Variants in CACNA1C observed in about 807,000 individuals in gnomAD.
CACNA1C encodes voltage-dependent L-type calcium channel subunit alpha-1C.
A neutral mutation model predicts 229.0 loss-of-function variants in CACNA1C; 30 were observed. The observed-to-expected ratio is 0.13, with a 90% CI of 0.10 to 0.18. The LOEUF (loss-of-function observed/expected upper bound fraction) is 0.18, where lower values mean the gene tolerates loss of function less well. Among genes scored for constraint, CACNA1C ranks in the 10% least tolerant of loss-of-function variants. The pLI, the probability that CACNA1C is intolerant of heterozygous loss-of-function variation, is 1.00. For missense variants in CACNA1C, 1,658 were observed against 2,845.0 expected, an observed-to-expected ratio of 0.58 and a Z score of 9.49; for synonymous variants, 1,114 against 1,132.5, an observed-to-expected ratio of 0.98 and a Z score of 0.33.
chr12:2,196,491 G>A (rs1418748108), intron 3 of CACNA1C, among the ~76,000 whole-genome samples: 1 of 152,238 alleles, frequency 6.6e-6, no homozygotes, highest in African/African-American at 2.4e-5. Context: ...TTATTATTAA[G>A]TTGGTGTTTC....
At chr12:2,080,954 C>T (rs2065349373) in intron 1 of CACNA1C, among the ~76,000 whole-genome samples, 1 of 152,120 alleles carries the variant, frequency 6.6e-6, no homozygotes, top group East Asian at 1.9e-4. Context: ...GATGAAAAGG[C>T]ATTACTTTAA....
intron 3 of CACNA1C, among the ~76,000 whole-genome samples, chr12:2,438,459 T>C (rs1279428226): frequency 6.6e-6 from 1 of 151,350 alleles, no homozygotes; most frequent in Non-Finnish European, 1.5e-5. Context: ...CAGATGGGGA[T>C]TGAGAAGTCC....
At chr12:2,637,379 C>G (rs1283569841) in intron 30 of CACNA1C, among the ~76,000 whole-genome samples, 1 of 152,190 alleles carries the variant, frequency 6.6e-6, no homozygotes, top group African/African-American at 2.4e-5. Context: ...AGTCTCCAAC[C>G]AAGACCTTTT....
chr12:2,380,839 G>A (rs556621111), intron 3 of CACNA1C, among the ~76,000 whole-genome samples: 1 of 152,154 alleles, frequency 6.6e-6, no homozygotes, highest in African/African-American at 2.4e-5. Flanking sequence ...GAGTGGGTGG[G>A]GGGCAATGTC....
rs1304655932 is a variant in CACNA1C, at chr12:2,678,509, G to A, written c.5091+642G>A. On this transcript the variant is annotated intron_variant, in intron 41 of 46. Transcript: ENST00000399655. The surrounding 1 kb of genome is among the most constrained non-coding windows in gnomAD (Gnocchi z 4.1). Reference sequence around the variant, plus strand: ...TTTGTGTTGCCTGCCTCACCACGCTGGTGTTTGGTTACAAATCCTTCTATA... The same window carrying A: ...TTTGTGTTGCCTGCCTCACCACGCTAGTGTTTGGTTACAAATCCTTCTATA... 1.3e-5 allele frequency among the ~76,000 whole-genome samples: 2 copies of A among 152,186 alleles called. No homozygotes were observed. Among genetic ancestry groups the A allele is most frequent in the Non-Finnish European group, 2.9e-5 (2 of 68,028 alleles).
chr12:2,170,778 G>A (rs1038079703), intron 3 of CACNA1C, among the ~76,000 whole-genome samples: 1 of 152,250 alleles, frequency 6.6e-6, no homozygotes, highest in African/African-American at 2.4e-5. Flanking sequence ...TTGAGGACAC[G>A]TTACCTCAGT....
chr12:2,120,800 T>G (rs770874098), intron 3 of CACNA1C, among the ~76,000 whole-genome samples: 4 of 151,808 alleles, frequency 2.6e-5, no homozygotes, highest in Non-Finnish European at 4.4e-5. Flanking sequence ...TGTATTTCCT[T>G]TGAATGTCTT....
In CACNA1C at chr12:2,348,861, C is replaced by G. The variant is rs1026962491; in HGVS notation, c.478-100115C>G. 6.6e-6 allele frequency among the ~76,000 whole-genome samples: 1 copy of G among 151,964 alleles called. No individual in the cohort carries two copies. Among genetic ancestry groups the G allele is most frequent in the Non-Finnish European group, 1.5e-5 (1 of 67,994 alleles). Reference sequence around the variant, plus strand: ...ACCCGTCATGTCAGCATTCAGAGCCCGGCAGGAAAAAGCCTCCTTCAAAGT... The same window carrying G: ...ACCCGTCATGTCAGCATTCAGAGCCGGGCAGGAAAAAGCCTCCTTCAAAGT... On this transcript the variant is annotated intron_variant, in intron 3 of 46. Coordinates refer to ENST00000399655, the MANE Select transcript of CACNA1C (RefSeq NM_000719.7). This position sits in a 1 kb window ranked among gnomAD's most constrained non-coding sequence, Gnocchi z 4.7.
At position 2,653,923 on chromosome 12, in the gene CACNA1C, G is replaced by A. The variant is rs763796877; in HGVS notation, c.4140+23G>A. The A allele has an allele frequency of 8.1e-6, 13 of 1,603,018 alleles. No homozygotes were observed. In the Admixed American group the frequency reaches 1.5e-4, roughly 19 times the overall value. Reference sequence around the variant, plus strand: ...CAGGTAGGGAGGCTCCCACCACGGGGCTCCTGGCCTCCCGCTCTGTCTCTC... The same window carrying A: ...CAGGTAGGGAGGCTCCCACCACGGGACTCCTGGCCTCCCGCTCTGTCTCTC... On this transcript the variant is annotated intron_variant, in intron 33 of 46. Coordinates refer to ENST00000399655, the MANE Select transcript of CACNA1C (RefSeq NM_000719.7). This position sits in a 1 kb window ranked among gnomAD's most constrained non-coding sequence, Gnocchi z 4.7.
chr12:2,608,365 AG>A lies in CACNA1C; in HGVS notation c.3357-145del, dbSNP rs1445648606. On this transcript the variant is annotated intron_variant, in intron 26 of 46. Transcript: ENST00000399655. This position sits in a 1 kb window ranked among gnomAD's most constrained non-coding sequence, Gnocchi z 4.2. ...TTAAACGCTTTGCCCAAGGTCACAC[AG>A]CCAGTAAGAGGCCGAGCTGGGACTC... The A allele has an allele frequency of 1.0e-5, 6 of 579,512 alleles. No homozygotes were observed. Among genetic ancestry groups the A allele is most frequent in the Non-Finnish European group, 1.8e-5 (6 of 331,120 alleles). 35.9% of individuals were successfully genotyped at this position (579,512 alleles called of 1,614,324 possible). A position where few individuals can be genotyped will look rare whatever the true frequency, so the allele number is the denominator to read the frequency against.
intron 3 of CACNA1C, among the ~76,000 whole-genome samples, chr12:2,194,822 G>A (rs1339664518): frequency 6.6e-6 from 1 of 152,172 alleles, no homozygotes; most frequent in East Asian, 1.9e-4. Context: ...GAGGAGCACA[G>A]TGTTCCCCAG....
In CACNA1C at chr12:2,575,367, T is replaced by C. The variant is rs2058023041; in HGVS notation, c.1896-6223T>C. ...ACTCCTCCTGGCCCAGCCCAGCATA[T>C]ACGGTTCTGCCTCTGGGCATCCTAA... On this transcript the variant is annotated intron_variant, in intron 13 of 46. Transcript: ENST00000399655. This position sits in a 1 kb window ranked among gnomAD's most constrained non-coding sequence, Gnocchi z 4.0. Among the ~76,000 whole-genome samples the C allele has an allele frequency of 1.3e-5, 2 of 152,172 alleles. No homozygotes were observed. Among genetic ancestry groups the C allele is most frequent in the South Asian group, 4.2e-4 (2 of 4,818 alleles).
chr12:2,194,337 C>T (rs1384179373), intron 3 of CACNA1C, among the ~76,000 whole-genome samples: 2 of 151,204 alleles, frequency 1.3e-5, no homozygotes, highest in African/African-American at 4.9e-5. Context: ...CTCCTCTGTG[C>T]TCTTCCTCCC....
chr12:2,197,632 T>C (rs1317088232), intron 3 of CACNA1C, among the ~76,000 whole-genome samples: 1 of 152,238 alleles, frequency 6.6e-6, no homozygotes, highest in Non-Finnish European at 1.5e-5. Flanking sequence ...ATCAGAAATT[T>C]GACATTTTTT....
At chr12:2,279,791 A>G (rs2090382709) in intron 3 of CACNA1C, among the ~76,000 whole-genome samples, 1 of 152,260 alleles carries the variant, frequency 6.6e-6, no homozygotes, top group Non-Finnish European at 1.5e-5. Context: ...TAGCATTTAT[A>G]TTGTATTGGT....
chr12:2,187,330 G>T (rs1163183000), intron 3 of CACNA1C, among the ~76,000 whole-genome samples: 1 of 152,174 alleles, frequency 6.6e-6, no homozygotes, highest in Non-Finnish European at 1.5e-5. Context: ...AGGAACCTCT[G>T]TGCAAAGCCA....
chr12:2,294,718 A>G (rs568553213), intron 3 of CACNA1C, among the ~76,000 whole-genome samples: 93 of 152,204 alleles, frequency 6.1e-4, no homozygotes, highest in Non-Finnish European at 1.2e-3. Flanking sequence ...TTAATATGTA[A>G]CATGTCGCCT....
rs1269764892 is a variant in CACNA1C at position 2,678,333 on chromosome 12, T to C, written c.5091+466T>C. Among the ~76,000 whole-genome samples the C allele has an allele frequency of 2.0e-5, 3 of 152,200 alleles. No homozygotes were observed. The highest frequency in any genetic ancestry group is 4.4e-5 in the Non-Finnish European group (3 of 68,028). On this transcript the variant is annotated intron_variant, in intron 41 of 46. Coordinates refer to ENST00000399655, the MANE Select transcript of CACNA1C (RefSeq NM_000719.7). This position sits in a 1 kb window ranked among gnomAD's most constrained non-coding sequence, Gnocchi z 4.1. ...GCCGGAGCCTAGAGGCGGTGGCCCT[T>C]TGAGATGGAGCATAGCGTGTGTTCT...
At chr12:2,531,432 A>G (rs988808437) in intron 9 of CACNA1C, among the ~76,000 whole-genome samples, 2 of 152,126 alleles carry the variant, frequency 1.3e-5, no homozygotes, top group East Asian at 1.9e-4. Context: ...CTGGGCCTCA[A>G]TTTCCTCATA....
Sources: allele counts gnomAD v4.1 joint callset (sites outside exome capture counted in the v4.1 genomes callset), GRCh38; gene constraint gnomAD v4.1.1; non-coding constraint Gnocchi (gnomAD v3.1); transcripts MANE v1.5; gene names NCBI Gene and HGNC (gene_info 2026-07-23, HGNC 2026-07-21).